SLC14A2: variants seen among roughly 807,000 people sequenced by gnomAD.
The protein encoded by SLC14A2 is solute carrier family 14 member 2, also known as urea transporter 2.
A neutral mutation model predicts 104.6 loss-of-function variants in SLC14A2; 91 were observed. That is an observed-to-expected ratio of 0.87 (90% CI 0.73 to 1.04). SLC14A2 has a LOEUF of 1.04. Among genes scored for constraint, SLC14A2 ranks in the 50% least tolerant of loss-of-function variants. The pLI is 0.00. For synonymous variants in SLC14A2, 476 were observed against 466.4 expected, an observed-to-expected ratio of 1.02 and a Z score of -0.27; for missense variants, 1,189 against 1,156.0, an observed-to-expected ratio of 1.03 and a Z score of -0.41.
At chr18:45,254,272 G>A (rs926485185) in intron 1 of SLC14A2, among the ~76,000 whole-genome samples, 1 of 152,208 alleles carries the variant, frequency 6.6e-6, no homozygotes, top group African/African-American at 2.4e-5. Context: ...GTCATGTCCT[G>A]TATTTGGTTT....
chr18:45,355,973 T>C (rs1257716163), intron 1 of SLC14A2, among the ~76,000 whole-genome samples: 1 of 152,116 alleles, frequency 6.6e-6, no homozygotes, highest in African/African-American at 2.4e-5. Context: ...AGACGGAGAC[T>C]GAAACATAAC....
intron 1 of SLC14A2, among the ~76,000 whole-genome samples, chr18:45,231,273 G>A (rs2084172126): frequency 6.6e-6 from 1 of 152,072 alleles, no homozygotes; most frequent in African/African-American, 2.4e-5. Context: ...TGAAATCATA[G>A]CTTACTGCAG....
At chr18:45,522,863 G>A (rs535769957) in intron 2 of SLC14A2, among the ~76,000 whole-genome samples, 9 of 152,248 alleles carry the variant, frequency 5.9e-5, no homozygotes, top group Admixed American at 2.6e-4. Context: ...GTTGCCTTGG[G>A]CAATAGAAGT....
At chr18:45,334,412 T>C (rs1431689200) in intron 1 of SLC14A2, among the ~76,000 whole-genome samples, 1 of 152,220 alleles carries the variant, frequency 6.6e-6, no homozygotes, top group African/African-American at 2.4e-5. Flanking sequence ...TCCTCTTTTT[T>C]GTTTTGTAAT....
intron 16 of SLC14A2, among the ~76,000 whole-genome samples, chr18:45,670,002 C>A (rs1055651498): frequency 6.6e-6 from 1 of 152,200 alleles, no homozygotes; most frequent in African/African-American, 2.4e-5. Context: ...GTGGCACATG[C>A]CTATAGTCCC....
At position 45,622,645 on chromosome 18, in the gene SLC14A2, C is replaced by T. The variant is rs563159569; in HGVS notation, c.-34-1986C>T. Among the ~76,000 whole-genome samples, 17 of 152,022 alleles carry T rather than the reference C, an allele frequency of 1.1e-4. No individual in the cohort carries two copies. The South Asian group carries it at 2.3e-3, about 20-fold the overall frequency. On this transcript the variant is annotated intron_variant, in intron 1 of 19. Coordinates refer to ENST00000255226, the MANE Select transcript of SLC14A2 (RefSeq NM_007163.4). ...GGGTCTGCAAAATGCTCCTGTTACA[C>T]GAAGAAGAGCCGCCAAAAGAGAGTG...
Position 45,232,837 on chromosome 18 carries a change from G to A in SLC14A2, c.-125+19646G>A, listed in dbSNP as rs2084188051. On this transcript the variant is annotated intron_variant, in intron 1 of 20. Transcript: ENST00000586448. Reference sequence around the variant, plus strand: ...TAGGCCCATTTTGAGGCACATTCGTGAAACCACAAAAGGGTAATGTGACTA... The same window carrying A: ...TAGGCCCATTTTGAGGCACATTCGTAAAACCACAAAAGGGTAATGTGACTA... Among the ~76,000 whole-genome samples the A allele has an allele frequency of 2.6e-5, 4 of 152,210 alleles. No individual in the cohort carries two copies. The South Asian group carries it at 8.3e-4, about 32-fold the overall frequency.
intron 1 of SLC14A2, among the ~76,000 whole-genome samples, chr18:45,300,609 CT>C (rs549201617): frequency 6.6e-5 from 10 of 152,194 alleles, no homozygotes; most frequent in Non-Finnish European, 1.0e-4. Flanking sequence ...TTAAAAAGCA[CT>C]TTTTTTTCCA....
At chr18:45,175,987 T>C in the SLC14A2 span, among the ~76,000 whole-genome samples, 1 of 152,194 alleles carries the variant, frequency 6.6e-6, no homozygotes, top group African/African-American at 2.4e-5. Flanking sequence ...AACCTTCTAT[T>C]ACTGCCCTGT....
At chr18:45,604,511 CA>C (rs1215737026) in intron 2 of SLC14A2, among the ~76,000 whole-genome samples, 2 of 152,130 alleles carry the variant, frequency 1.3e-5, no homozygotes, top group African/African-American at 4.8e-5. Context: ...ATAAATGCAT[CA>C]GGAACATCAG....
intron 1 of SLC14A2, among the ~76,000 whole-genome samples, chr18:45,340,927 A>G (rs1195064264): frequency 6.6e-6 from 1 of 152,170 alleles, no homozygotes; most frequent in East Asian, 1.9e-4. Flanking sequence ...ACAGTCAATG[A>G]AGGATTAGAC....
chr18:45,176,438 A>G, the SLC14A2 span, among the ~76,000 whole-genome samples: 1 of 152,122 alleles, frequency 6.6e-6, no homozygotes, highest in Non-Finnish European at 1.5e-5. Context: ...GATTTGCACC[A>G]TATAGAAAAT....
chr18:45,383,443 G>T (rs1282473874), intron 1 of SLC14A2, among the ~76,000 whole-genome samples: 2 of 152,114 alleles, frequency 1.3e-5, no homozygotes, highest in South Asian at 2.1e-4. Flanking sequence ...AGATTATCCA[G>T]AGTAACCCAC....
At chr18:45,336,104 C>A (rs929963760) in intron 1 of SLC14A2, among the ~76,000 whole-genome samples, 2 of 152,104 alleles carry the variant, frequency 1.3e-5, no homozygotes, top group Admixed American at 6.5e-5. Context: ...CCTAAAGGAG[C>A]AAGTGCCTGC....
At chr18:45,628,719 A>G (rs2144516203) in intron 4 of SLC14A2, among the ~76,000 whole-genome samples, 1 of 152,344 alleles carries the variant, frequency 6.6e-6, no homozygotes, top group South Asian at 2.1e-4. Context: ...GATGAGAGTT[A>G]TCTATATATG....
intron 9 of SLC14A2, 89 bp downstream of exon 9, chr18:45,643,270 T>C (rs2045561505): frequency 8.6e-6 from 10 of 1,161,160 alleles, no homozygotes; most frequent in Admixed American, 3.4e-5. Flanking sequence ...GAAAGGAACA[T>C]TGAGCGGGTA....
At chr18:45,460,788 C>T (rs1274763788) in intron 1 of SLC14A2, among the ~76,000 whole-genome samples, 3 of 152,066 alleles carry the variant, frequency 2.0e-5, no homozygotes, top group Non-Finnish European at 4.4e-5. Flanking sequence ...AAATATTCAC[C>T]CTAAGAAGCA....
intron 1 of SLC14A2, among the ~76,000 whole-genome samples, chr18:45,223,149 T>G (rs1568107905): frequency 6.6e-6 from 1 of 152,156 alleles, no homozygotes; most frequent in African/African-American, 2.4e-5. Flanking sequence ...TTATCTCAAA[T>G]GAGGAGAATA....
At chr18:45,543,302 A>G (rs1432523638) in intron 2 of SLC14A2, among the ~76,000 whole-genome samples, 1 of 152,130 alleles carries the variant, frequency 6.6e-6, no homozygotes, top group Non-Finnish European at 1.5e-5. Flanking sequence ...CCAAGATAAT[A>G]TCTGTGGTAT....
Sources: allele counts gnomAD v4.1 joint callset (sites outside exome capture counted in the v4.1 genomes callset), GRCh38; gene constraint gnomAD v4.1.1; transcripts MANE v1.5; gene names NCBI Gene and HGNC (gene_info 2026-07-23, HGNC 2026-07-21).